MCCC1: variants seen among roughly 807,000 people sequenced by gnomAD.
The protein encoded by MCCC1 is methylcrotonyl-CoA carboxylase subunit 1.
Under a neutral mutation model 83.8 loss-of-function variants are expected in MCCC1, and 64 were observed. The observed-to-expected ratio is 0.76, with a 90% confidence interval of 0.62 to 0.94. The LOEUF (loss-of-function observed/expected upper bound fraction) is 0.94. MCCC1 is among the 40% of genes least tolerant of loss of function. MCCC1 has a pLI of 0.00. For missense variants in MCCC1, 807 were observed against 904.7 expected, an observed-to-expected ratio of 0.89 and a Z score of 1.39; for synonymous variants, 322 against 315.4, an observed-to-expected ratio of 1.02 and a Z score of -0.22.
chr3:183,097,666 A>G (rs1171116808), intron 1 of MCCC1, among the ~76,000 whole-genome samples: 1 of 152,140 alleles, frequency 6.6e-6, no homozygotes, highest in African/African-American at 2.4e-5. Context: ...AGTGCTGAGA[A>G]ACTGCTGAAA....
upstream of MCCC1, among the ~76,000 whole-genome samples, chr3:183,102,782 T>G (rs1240188835): frequency 1.9e-4 from 22 of 114,328 alleles, no homozygotes; most frequent in African/African-American, 5.2e-4. Flanking sequence ...TTTTTTTTTT[T>G]TTTTTTTTTT....
intron 1 of MCCC1, among the ~76,000 whole-genome samples, chr3:183,105,658 A>G (rs1210363137): frequency 1.3e-5 from 2 of 152,170 alleles, no homozygotes. Flanking sequence ...CTATTGTGAA[A>G]GTTGTCATAA....
At position 183,094,567 on chromosome 3, in the gene MCCC1, G is replaced by GT. The variant is rs771112195; in HGVS notation, c.127dup (p.Thr43AsnfsTer38). 1 of 1,614,140 alleles carries GT rather than the reference G, an allele frequency of 6.2e-7. No homozygotes were observed. Among genetic ancestry groups the GT allele is most frequent in the Non-Finnish European group, 8.5e-7 (1 of 1,179,978 alleles). ...ACAAAGTCTGTCAGTACCTGTGGCT[G>GT]TTGTGTACTTCATGGTTCTTTGCCT... is the stretch of plus-strand genomic sequence containing the variant. On this transcript the variant is annotated frameshift_variant, in exon 2 of 19. Transcript: ENST00000265594. LOFTEE classifies it high-confidence loss of function.
At chr3:183,035,815 A>G (rs1713532176) in intron 13 of MCCC1, among the ~76,000 whole-genome samples, 1 of 152,140 alleles carries the variant, frequency 6.6e-6, no homozygotes, top group Admixed American at 6.5e-5. Flanking sequence ...TTTTGTATCA[A>G]TTTAAAGGGC....
upstream of MCCC1, among the ~76,000 whole-genome samples, chr3:183,103,742 G>A (rs878922245): frequency 2.0e-5 from 3 of 152,342 alleles, no homozygotes; most frequent in South Asian, 6.2e-4. Context: ...CGCGCCGTGC[G>A]CCCGCACTCC....
Position 183,036,753 on chromosome 3 carries a change from A to G in MCCC1, c.1594+465T>C, listed in dbSNP as rs892347226. Among the ~76,000 whole-genome samples the G allele has an allele frequency of 3.9e-5, 6 of 151,964 alleles. No homozygotes were observed. In the East Asian group the frequency reaches 9.7e-4, roughly 25 times the overall value. On this transcript the variant is annotated intron_variant, in intron 13 of 18. Coordinates refer to ENST00000265594, the MANE Select transcript of MCCC1 (RefSeq NM_020166.5). ...ACAGGGTTTCACCATGTTAGCCAGG[A>G]TGGTCTTGATCTCCTGACATCATGA...
intron 14 of MCCC1, chr3:183,029,012 A>T (rs1263680725): frequency 6.6e-6 from 1 of 152,210 alleles, no homozygotes; most frequent in Non-Finnish European, 1.5e-5. Context: ...TTTTATTTAG[A>T]CATAATGTTA....
At chr3:183,030,851 A>G (rs978328251) in intron 14 of MCCC1, among the ~76,000 whole-genome samples, 1 of 152,178 alleles carries the variant, frequency 6.6e-6, no homozygotes, top group Non-Finnish European at 1.5e-5. Flanking sequence ...TCTCCACCCT[A>G]TATCATGTCA....
In MCCC1 at chr3:183,052,190, T is replaced by A. The variant is rs752693318; in HGVS notation, c.924A>T (p.Arg308Ser). The A allele has an allele frequency of 6.2e-7, 1 of 1,614,056 alleles. No individual in the cohort carries two copies. Among genetic ancestry groups the A allele is most frequent in the Non-Finnish European group, 8.5e-7 (1 of 1,180,024 alleles). ...CAACATAATTTACAGCTTTAGCAGC[T>A]CTGACTGCAGCTTCTCCCAGCTTTT... The part of the protein sequence containing the change: ...VRKKLGEAAV[R>S]AAKAVNYVGA... Residue 308 changes from arginine (R) to serine (S), a missense_variant, in exon 9 of 19, where the codon AGA (arginine) becomes AGT (serine). Physicochemically the swap from Arg to Ser is moderately radical, Grantham distance 110. Coordinates refer to ENST00000265594, the MANE Select transcript of MCCC1 (RefSeq NM_020166.5).
At chr3:183,040,472 A>C (rs1028526331) in intron 11 of MCCC1, among the ~76,000 whole-genome samples, 2 of 151,514 alleles carry the variant, frequency 1.3e-5, no homozygotes, top group African/African-American at 4.9e-5. Flanking sequence ...GCACCTTGAA[A>C]GGCCAAGGTG....
rs144766271 is a variant in MCCC1 at position 183,077,073 on chromosome 3, T to C, written c.370-4586A>G. On this transcript the variant is annotated intron_variant, in intron 4 of 18. Coordinates refer to ENST00000265594, the MANE Select transcript of MCCC1 (RefSeq NM_020166.5). ...TGTTTAACACAAATCAGTACTTCAT[T>C]CCTTTTTGATGGCAAAATAATACTC... Among the ~76,000 whole-genome samples the C allele has an allele frequency of 4.6e-3, 701 of 152,328 alleles. 2 individuals carry two copies. The highest frequency in any genetic ancestry group is 0.016 in the African/African-American group (667 of 41,564).
At chr3:183,047,908 A>T (rs998134061) in intron 9 of MCCC1, among the ~76,000 whole-genome samples, 2 of 152,260 alleles carry the variant, frequency 1.3e-5, no homozygotes, top group Non-Finnish European at 2.9e-5. Flanking sequence ...GAACAGAAGT[A>T]ATATTTGAAA....
chr3:183,101,013 C>G (rs1436488250), upstream of MCCC1, among the ~76,000 whole-genome samples: 2 of 152,276 alleles, frequency 1.3e-5, no homozygotes, highest in African/African-American at 4.8e-5. Context: ...CCCTGCTGAC[C>G]CCGGGCAATG....
chr3:183,085,259 AC>A (rs1452519386), intron 4 of MCCC1, among the ~76,000 whole-genome samples: 1 of 151,992 alleles, frequency 6.6e-6, no homozygotes, highest in African/African-American at 2.4e-5. Flanking sequence ...CCATTTCCCC[AC>A]CCAGAAGCCA....
Position 183,022,419 on chromosome 3 carries a change from T to A in MCCC1, c.1867A>T (p.Lys623Ter). 1 of 1,614,112 alleles carries A rather than the reference T, an allele frequency of 6.2e-7. No homozygotes were observed. Among genetic ancestry groups the A allele is most frequent in the Non-Finnish European group, 8.5e-7 (1 of 1,179,976 alleles). ...ILENTIYLFS[K>*]EGSIEIDIPV... ...ATATTATAAAGAAGAGACATTACCT[T>A]GGAAAATAGGTAAATAGTGTTTTCC... The change falls in exon 16 of 19, where the codon AAG (lysine) becomes TAG (stop). Residue 623 changes from lysine (K) to a stop codon, truncating the protein, a stop_gained and splice_region_variant. Coordinates refer to ENST00000265594, the MANE Select transcript of MCCC1 (RefSeq NM_020166.5). LOFTEE classifies it high-confidence loss of function.
intron 3 of MCCC1, among the ~76,000 whole-genome samples, chr3:183,088,185 TTTG>T (rs1162144091): frequency 1.7e-4 from 26 of 150,450 alleles, no homozygotes; most frequent in Admixed American, 6.6e-4. Flanking sequence ...TTTTAAATGT[TTTG>T]TTGTTGTTGT....
At position 183,111,828 on chromosome 3, in the gene MCCC1, T is replaced by C. The variant is rs529520347; in HGVS notation, c.-102+3646A>G. Among the ~76,000 whole-genome samples the C allele has an allele frequency of 3.7e-4, 57 of 152,336 alleles. 1 individual carries two copies. Among genetic ancestry groups the C allele is most frequent in the Admixed American group, 1.2e-3 (19 of 15,308 alleles). ...TGCCTCAGTGCGAGACCACACTCCC[T>C]ACACTGTGCCATGAATGGATATTTT... is the stretch of plus-strand genomic sequence containing the variant. On this transcript the variant is annotated intron_variant, in intron 1 of 17. Transcript: ENST00000492597.
At chr3:183,022,323 AGC>A (rs1475473097) in intron 16 of MCCC1, 92 bp downstream of exon 16, 9 of 1,462,382 alleles carry the variant, frequency 6.2e-6, no homozygotes, top group Non-Finnish European at 8.6e-6. Flanking sequence ...GGTCACAGGA[AGC>A]TGGATCTTTC....
At chr3:183,034,323 C>T (rs553677821) in intron 13 of MCCC1, among the ~76,000 whole-genome samples, 142 of 151,792 alleles carry the variant, frequency 9.4e-4, no homozygotes, top group Non-Finnish European at 1.7e-3. Flanking sequence ...TGGTGACGGG[C>T]GCCTCTAGTC....
Sources: allele counts gnomAD v4.1 joint callset (sites outside exome capture counted in the v4.1 genomes callset), GRCh38; gene constraint gnomAD v4.1.1; transcripts MANE v1.5; gene names NCBI Gene and HGNC (gene_info 2026-07-23, HGNC 2026-07-21).